MPV17L: variants seen among roughly 807,000 people sequenced by gnomAD.
MPV17L encodes mpv17-like protein.
In MPV17L, 24 loss-of-function variants were observed where a neutral mutation model predicts 25.8. The ratio of observed to expected loss-of-function variants is 0.93; its 90% CI spans 0.67 to 1.31. The LOEUF is 1.31. Among genes scored for constraint, MPV17L ranks in the 50% most tolerant of loss-of-function variants. The pLI is 0.00. For missense variants in MPV17L, 250 were observed against 265.6 expected, an observed-to-expected ratio of 0.94 and a Z score of 0.41; for synonymous variants, 102 against 115.3, an observed-to-expected ratio of 0.88 and a Z score of 0.74.
intron 2 of MPV17L, among the ~76,000 whole-genome samples, chr16:15,404,745 C>T (rs2050666425): frequency 6.6e-6 from 1 of 152,048 alleles, no homozygotes; most frequent in Admixed American, 6.6e-5. Context: ...TCACTTGAAC[C>T]CGGGAGACGG....
At position 15,410,423 on chromosome 16, in the gene MPV17L, C is replaced by A. The variant is rs993208820; in HGVS notation, c.*2311C>A. On this transcript the variant is annotated 3_prime_UTR_variant, in exon 4 of 4. Coordinates refer to ENST00000396385, the MANE Select transcript of MPV17L (RefSeq NM_001128423.2). ...AAAATTAGCCAGGCGTGGTGGTGGGCGCCTGTAGTCCCAGCTACTCGGGAG... is the reference window on the plus strand; with the variant it reads ...AAAATTAGCCAGGCGTGGTGGTGGGAGCCTGTAGTCCCAGCTACTCGGGAG... 6.6e-6 allele frequency: 1 copy of A among 152,136 alleles called. No individual in the cohort carries two copies. The highest frequency in any genetic ancestry group is 2.4e-5 in the African/African-American group (1 of 41,398). 9.4% of individuals were successfully genotyped at this position (152,136 alleles called of 1,614,324 possible). A position where few individuals can be genotyped will look rare whatever the true frequency, so the allele number is the denominator to read the frequency against.
Position 15,407,843 on chromosome 16 carries a change from C to G in MPV17L, c.401C>G (p.Pro134Arg), listed in dbSNP as rs376653858. Residue 134 changes from proline to arginine, a missense_variant, in exon 3 of 4, where the codon CCC becomes CGC. Pro to Arg is a moderately radical substitution (Grantham distance 103). Coordinates refer to ENST00000396385, the MANE Select transcript of MPV17L (RefSeq NM_001128423.2). Reference protein sequence around the residue: ...NTYLSGLMYWPFVQLTNFSLV... With the variant: ...NTYLSGLMYWRFVQLTNFSLV... ...TTCCAGAGTGGACTGATGTACTGGC[C>G]CTTTGTACAGGTAAGTTCCACCTAC... is the stretch of plus-strand genomic sequence containing the variant. 5.1e-5 allele frequency: 83 copies of G among 1,613,142 alleles called. No homozygotes were observed. In the African/African-American group the frequency reaches 9.9e-4, roughly 19 times the overall value.
In MPV17L at chr16:15,396,183, A is replaced by G. The variant is rs1246545839; in HGVS notation, c.286A>G (p.Ile96Val). Reference protein sequence around the residue: ...LLCDQVVGAPIAVSAFYVGMS... With the variant: ...LLCDQVVGAPVAVSAFYVGMS... ...GTGCGACCAGGTGGTCGGTGCGCCC[A>G]TCGCGGTCTCGGCCTTCTATGTCGG... is the stretch of plus-strand genomic sequence containing the variant. Residue 96 changes from isoleucine to valine, a missense_variant, in exon 1 of 4, where the codon ATC (isoleucine) becomes GTC (valine). Ile to Val is a conservative substitution (Grantham distance 29). Coordinates refer to ENST00000396385, the MANE Select transcript of MPV17L (RefSeq NM_001128423.2). 5.2e-6 allele frequency: 8 copies of G among 1,549,986 alleles called. No homozygotes were observed. The highest frequency in any genetic ancestry group is 6.1e-6 in the Non-Finnish European group (7 of 1,147,626).
chr16:15,401,366 C>T (rs1028690676), intron 2 of MPV17L, among the ~76,000 whole-genome samples: 1 of 151,868 alleles, frequency 6.6e-6, no homozygotes, highest in African/African-American at 2.4e-5. Flanking sequence ...ATTCTCCCAC[C>T]TCAACATTAA....
rs769121024 is a variant in MPV17L, at chr16:15,400,861, A to G, written c.381+4A>G. ...GAAATTCTGGAATACCTATCTGGTA[A>G]GATAGGCGTTTGAAAATGTAATCAC... On this transcript the variant is annotated splice_donor_region_variant and intron_variant, in intron 2 of 3. Transcript: ENST00000396385. 1 of 1,587,942 alleles carries G rather than the reference A, an allele frequency of 6.3e-7. No homozygotes were observed. The highest frequency in any genetic ancestry group is 2.2e-5 in the East Asian group (1 of 44,624).
rs2050575047 is a variant in MPV17L at position 15,395,956 on chromosome 16, A to G, written c.59A>G (p.Asn20Ser). The G allele has an allele frequency of 6.6e-7, 1 of 1,503,912 alleles. No homozygotes were observed. Among genetic ancestry groups the G allele is most frequent in the South Asian group, 1.2e-5 (1 of 80,016 alleles). The allele number at this position is 1,503,912 out of a possible 1,614,324, so 93.2% of individuals were successfully genotyped here. A position where few individuals can be genotyped will look rare whatever the true frequency, so the allele number is the denominator to read the frequency against. ...GCCCGGCGCCACCCGTGGCCCACCA[A>G]CGTGCTGCTTTACGGCTCGCTCGTC... ...RAARRHPWPT[N>S]VLLYGSLVSA... The change falls in exon 1 of 4, where the codon AAC (asparagine) becomes AGC (serine). Residue 20 changes from asparagine (N) to serine (S), a missense_variant. Asn to Ser is a conservative substitution (Grantham distance 46). Transcript: ENST00000396385.
rs1391603401 is a variant in MPV17L at position 15,411,086 on chromosome 16, G to T, written c.*2974G>T. The T allele has an allele frequency of 6.6e-6, 1 of 152,184 alleles. No homozygotes were observed. The highest frequency in any genetic ancestry group is 1.9e-4 in the East Asian group (1 of 5,186). The allele number at this position is 152,184 out of a possible 1,614,324, so 9.4% of individuals were successfully genotyped here. A position where few individuals can be genotyped will look rare whatever the true frequency, so the allele number is the denominator to read the frequency against. ...TCTCTACTAAAAATACAAAAAATTA[G>T]CTGGGCATGGTGGCGGGCGCCTGTA... On this transcript the variant is annotated 3_prime_UTR_variant, in exon 4 of 4. Transcript: ENST00000396385.
At chr16:15,396,388 C>G (rs1467835729) in intron 1 of MPV17L, among the ~76,000 whole-genome samples, 181 bp downstream of exon 1, 1 of 152,052 alleles carries the variant, frequency 6.6e-6, no homozygotes, top group African/African-American at 2.4e-5. Flanking sequence ...AGGCTAGAGG[C>G]TGGGGTGTTT....
intron 1 of MPV17L, among the ~76,000 whole-genome samples, chr16:15,396,787 C>T (rs1293307653): frequency 6.6e-6 from 1 of 152,120 alleles, no homozygotes; most frequent in Non-Finnish European, 1.5e-5. Context: ...CAAATTCATG[C>T]CCAGGGGCCT....
rs891777693 is a variant in MPV17L at position 15,396,020 on chromosome 16, C to G, written c.123C>G (p.Arg41=). 4 of 1,528,206 alleles carry G rather than the reference C, an allele frequency of 2.6e-6. No individual in the cohort carries two copies. Among genetic ancestry groups the G allele is most frequent in the Middle Eastern group, 2.3e-4 (1 of 4,378 alleles). 94.7% of individuals were successfully genotyped at this position (1,528,206 alleles called of 1,614,324 possible). The part of the protein sequence containing the change: ...GDALQQRLQG[R]EANWRQTRRV... ...CGCTGCAACAGCGGCTGCAGGGCCGCGAGGCCAACTGGCGCCAGACGCGGC... is the reference window on the plus strand; with the variant it reads ...CGCTGCAACAGCGGCTGCAGGGCCGGGAGGCCAACTGGCGCCAGACGCGGC... Residue 41 remains arginine, a synonymous_variant, in exon 1 of 4, where the codon CGC becomes CGG. Coordinates refer to ENST00000396385, the MANE Select transcript of MPV17L (RefSeq NM_001128423.2).
intron 2 of MPV17L, among the ~76,000 whole-genome samples, chr16:15,404,746 C>T (rs532292082): frequency 7.9e-5 from 12 of 152,116 alleles, no homozygotes; most frequent in East Asian, 5.8e-4. Context: ...CACTTGAACC[C>T]GGGAGACGGA....
At chr16:15,406,762 C>T (rs940933262) in intron 2 of MPV17L, among the ~76,000 whole-genome samples, 3 of 150,144 alleles carry the variant, frequency 2.0e-5, no homozygotes, top group African/African-American at 4.9e-5. Context: ...CCTGTCTCTA[C>T]TAAAAATACA....
Position 15,410,817 on chromosome 16 carries a change from C to T in MPV17L, c.*2705C>T, listed in dbSNP as rs1416923136. 6.6e-6 allele frequency: 1 copy of T among 152,104 alleles called. No individual in the cohort carries two copies. The highest frequency in any genetic ancestry group is 1.5e-5 in the Non-Finnish European group (1 of 68,034). The allele number at this position is 152,104 out of a possible 1,614,324, so 9.4% of individuals were successfully genotyped here. A position where few individuals can be genotyped will look rare whatever the true frequency, so the allele number is the denominator to read the frequency against. On this transcript the variant is annotated 3_prime_UTR_variant, in exon 4 of 4. Coordinates refer to ENST00000396385, the MANE Select transcript of MPV17L (RefSeq NM_001128423.2). ...ATGTAAAAGGCATTAATATATTTTA[C>T]ATTATTGGGACCATAGTACAGAAAT...
chr16:15,395,892 G>T lies in MPV17L; in HGVS notation c.-6G>T. ...GCTCCTGATCGCGGGCGCCCACAGC[G>T]CGGACATGGCGGGCTGGTGGCCGGC... On this transcript the variant is annotated 5_prime_UTR_variant, in exon 1 of 4. Coordinates refer to ENST00000396385, the MANE Select transcript of MPV17L (RefSeq NM_001128423.2). The T allele has an allele frequency of 7.2e-7, 1 of 1,395,002 alleles. No homozygotes were observed. The highest frequency in any genetic ancestry group is 9.2e-7 in the Non-Finnish European group (1 of 1,087,502). The allele number at this position is 1,395,002 out of a possible 1,614,324, so 86.4% of individuals were successfully genotyped here.
intron 1 of MPV17L, among the ~76,000 whole-genome samples, chr16:15,396,461 A>C (rs1823880014): frequency 6.6e-6 from 1 of 152,184 alleles, no homozygotes; most frequent in African/African-American, 2.4e-5. Flanking sequence ...CCAGAGGTCC[A>C]CCAGGTCAGG....
chr16:15,403,059 CTTTTT>C (rs756233326), intron 2 of MPV17L, among the ~76,000 whole-genome samples: 1 of 139,546 alleles, frequency 7.2e-6, no homozygotes. Flanking sequence ...GTACATCTAA[CTTTTT>C]TTTTTTTTTT....
chr16:15,404,080 G>C (rs1352439443), intron 2 of MPV17L, among the ~76,000 whole-genome samples: 1 of 152,108 alleles, frequency 6.6e-6, no homozygotes, highest in Non-Finnish European at 1.5e-5. Context: ...ACTCCAGCCT[G>C]GGTAACACAG....
In MPV17L at chr16:15,412,979, A is replaced by G. The variant is rs1378984557; in HGVS notation, c.*4867A>G. On this transcript the variant is annotated 3_prime_UTR_variant, in exon 4 of 4. Transcript: ENST00000396385. ...CAGTCATCCTTTAAAATTCATTTGA[A>G]GTTATGAAAAGATAGTTTTTGTTAC... is the stretch of plus-strand genomic sequence containing the variant. 6.6e-6 allele frequency: 1 copy of G among 152,164 alleles called. No homozygotes were observed. The highest frequency in any genetic ancestry group is 1.5e-5 in the Non-Finnish European group (1 of 68,022). The allele number at this position is 152,164 out of a possible 1,614,324, so 9.4% of individuals were successfully genotyped here. A position where few individuals can be genotyped will look rare whatever the true frequency, so the allele number is the denominator to read the frequency against.
chr16:15,402,506 A>T (rs1261984634), intron 2 of MPV17L, among the ~76,000 whole-genome samples: 2 of 152,142 alleles, frequency 1.3e-5, no homozygotes, highest in Non-Finnish European at 2.9e-5. Context: ...GAGGCAGAGG[A>T]TGGAGAGGTT....
Sources: allele counts gnomAD v4.1 joint callset (sites outside exome capture counted in the v4.1 genomes callset), GRCh38; gene constraint gnomAD v4.1.1; transcripts MANE v1.5; gene names NCBI Gene and HGNC (gene_info 2026-07-23, HGNC 2026-07-21).